PRKN: variants seen among roughly 807,000 people sequenced by gnomAD.
PRKN encodes E3 ubiquitin-protein ligase parkin.
Under a neutral mutation model 59.5 loss-of-function variants are expected in PRKN, and 56 were observed. The observed-to-expected ratio is 0.94, with a 90% CI of 0.76 to 1.18. PRKN has a LOEUF of 1.18. PRKN is among the 50% of genes most tolerant of loss of function. PRKN has a pLI of 0.00. For missense variants in PRKN, 657 were observed against 596.4 expected (o/e 1.10, Z -1.06); for synonymous variants, 250 against 222.1 (o/e 1.13, Z -1.12).
chr6:162,152,979 C>T (rs1782338102), intron 4 of PRKN, among the ~76,000 whole-genome samples: 1 of 152,114 alleles, frequency 6.6e-6, no homozygotes, highest in African/African-American at 2.4e-5. Flanking sequence ...GAAAAGGGCT[C>T]CAAAGTCGAT....
At chr6:162,577,765 C>G (rs1006246924) in intron 1 of PRKN, among the ~76,000 whole-genome samples, 2 of 152,120 alleles carry the variant, frequency 1.3e-5, no homozygotes, top group East Asian at 3.9e-4. Context: ...TCTGTCTCCA[C>G]TAAAACTAAA....
At chr6:161,425,938 C>T (rs1419152030) in intron 9 of PRKN, among the ~76,000 whole-genome samples, 1 of 151,980 alleles carries the variant, frequency 6.6e-6, no homozygotes, top group Non-Finnish European at 1.5e-5. Context: ...TCTGTCCTGT[C>T]CTCCTTTTAG....
intron 7 of PRKN, among the ~76,000 whole-genome samples, chr6:161,771,427 A>T (rs1789690809): frequency 6.6e-6 from 1 of 151,612 alleles, no homozygotes. Context: ...AGCCACAAGA[A>T]AGAGCTGTCA....
At position 161,549,921 on chromosome 6, in the gene PRKN, G is replaced by A. The variant is rs1229812362; in HGVS notation, c.934-918C>T. 2.0e-5 allele frequency among the ~76,000 whole-genome samples: 3 copies of A among 152,202 alleles called. No individual in the cohort carries two copies. The East Asian group carries it at 5.8e-4, about 29-fold the overall frequency. ...ACAGTCAATACCGAGAGGTTAGAAT[G>A]TCTAGGATTTCCAATGGTGCTAAGT... On this transcript the variant is annotated intron_variant, in intron 8 of 11. Coordinates refer to ENST00000366898, the MANE Select transcript of PRKN (RefSeq NM_004562.3). This position sits in a 1 kb window ranked among gnomAD's most constrained non-coding sequence, Gnocchi z 6.0.
chr6:162,028,650 A>G (rs1783525939), intron 5 of PRKN, among the ~76,000 whole-genome samples: 1 of 152,224 alleles, frequency 6.6e-6, no homozygotes, highest in Non-Finnish European at 1.5e-5. Flanking sequence ...AAAATGGAGC[A>G]GTGAATGGAG....
At chr6:162,094,882 T>C (rs931240554) in intron 4 of PRKN, among the ~76,000 whole-genome samples, 1 of 152,210 alleles carries the variant, frequency 6.6e-6, no homozygotes, top group Non-Finnish European at 1.5e-5. Context: ...TATGAAGCCT[T>C]CTATTTTGTG....
intron 2 of PRKN, among the ~76,000 whole-genome samples, chr6:162,348,203 T>C (rs1169281082): frequency 6.6e-6 from 1 of 152,132 alleles, no homozygotes; most frequent in African/African-American, 2.4e-5. Flanking sequence ...TCACAGAGCA[T>C]TGAGTAGAAT....
intron 8 of PRKN, among the ~76,000 whole-genome samples, chr6:161,557,166 G>A (rs1780268317): frequency 6.6e-6 from 1 of 152,132 alleles, no homozygotes; most frequent in Admixed American, 6.5e-5. Flanking sequence ...GCGTTATGCA[G>A]GTAGAATCCT....
intron 5 of PRKN, among the ~76,000 whole-genome samples, chr6:162,034,186 T>TATATAGAGAGAG (rs1349695864): frequency 3.9e-4 from 52 of 133,296 alleles, no homozygotes; most frequent in African/African-American, 6.1e-4. Context: ...TATATATATA[T>TATATAGAGAGAG]AGAGAGAGAG....
Position 161,460,773 on chromosome 6 carries a change from T to C in PRKN, c.1084-73896A>G, listed in dbSNP as rs926228608. Among the ~76,000 whole-genome samples the C allele has an allele frequency of 6.6e-6, 1 of 150,964 alleles. No homozygotes were observed. Among genetic ancestry groups the C allele is most frequent in the African/African-American group, 2.4e-5 (1 of 41,060 alleles). ...TATCTTTTTTTTTTTTTTCTTCAGA[T>C]GGAGTCTCGTTCTGTCGCCAGGCTG... On this transcript the variant is annotated intron_variant, in intron 9 of 11. Transcript: ENST00000366898. This position sits in a 1 kb window ranked among gnomAD's most constrained non-coding sequence, Gnocchi z 5.0.
intron 1 of PRKN, among the ~76,000 whole-genome samples, chr6:162,518,846 G>T (rs1418159898): frequency 2.0e-5 from 3 of 152,130 alleles, no homozygotes; most frequent in Non-Finnish European, 4.4e-5. Context: ...TACTAAATTT[G>T]CCATGTATGT....
chr6:161,945,520 T>C (rs965931131), intron 6 of PRKN, among the ~76,000 whole-genome samples: 5 of 152,178 alleles, frequency 3.3e-5, no homozygotes, highest in Admixed American at 1.3e-4. Flanking sequence ...CTTTCAACCA[T>C]TCCCACTATA....
chr6:162,356,434 T>C (rs1359295448), intron 2 of PRKN, among the ~76,000 whole-genome samples: 3 of 152,002 alleles, frequency 2.0e-5, no homozygotes, highest in Middle Eastern at 3.4e-3. Context: ...TACACCACGA[T>C]AAGAGACTGT....
At chr6:161,943,912 AT>A in intron 6 of PRKN, among the ~76,000 whole-genome samples, 1 of 149,034 alleles carries the variant, frequency 6.7e-6, no homozygotes, top group African/African-American at 2.5e-5. Context: ...AGCCTGAGGG[AT>A]CAGCCTTGAG....
rs1392053628 is a variant in PRKN at position 161,373,330 on chromosome 6, A to G, written c.1168-13125T>C. 6.6e-6 allele frequency among the ~76,000 whole-genome samples: 1 copy of G among 152,110 alleles called. No homozygotes were observed. The highest frequency in any genetic ancestry group is 1.5e-5 in the Non-Finnish European group (1 of 68,024). On this transcript the variant is annotated intron_variant, in intron 10 of 11. Coordinates refer to ENST00000366898, the MANE Select transcript of PRKN (RefSeq NM_004562.3). This position sits in a 1 kb window ranked among gnomAD's most constrained non-coding sequence, Gnocchi z 4.8. ...TGTGGCCCAGCTACATTGACACAGA[A>G]AATTACCCATCACAGCTAGGCTGAA... is the stretch of plus-strand genomic sequence containing the variant.
At chr6:162,114,660 C>T (rs1373348333) in intron 4 of PRKN, among the ~76,000 whole-genome samples, 1 of 150,096 alleles carries the variant, frequency 6.7e-6, no homozygotes, top group African/African-American at 2.5e-5. Flanking sequence ...AAAAAACAAA[C>T]AACCCTATCA....
intron 5 of PRKN, among the ~76,000 whole-genome samples, chr6:161,984,817 C>G (rs924249088): frequency 2.0e-5 from 3 of 152,142 alleles, no homozygotes; most frequent in African/African-American, 4.8e-5. Context: ...TGACTCCAAA[C>G]GCTTTAGAAC....
intron 1 of PRKN, among the ~76,000 whole-genome samples, chr6:162,449,804 A>G (rs1271575915): frequency 1.3e-5 from 2 of 152,164 alleles, no homozygotes; most frequent in Admixed American, 6.5e-5. Context: ...CCCTCCTGCA[A>G]AAAAACTACT....
intron 2 of PRKN, among the ~76,000 whole-genome samples, chr6:162,332,394 G>T (rs913491289): frequency 6.6e-6 from 1 of 152,176 alleles, no homozygotes; most frequent in Non-Finnish European, 1.5e-5. Flanking sequence ...TCTCTCCTGA[G>T]CCCTGTAGGC....
Sources: allele counts gnomAD v4.1 joint callset (sites outside exome capture counted in the v4.1 genomes callset), GRCh38; gene constraint gnomAD v4.1.1; non-coding constraint Gnocchi (gnomAD v3.1); transcripts MANE v1.5; gene names NCBI Gene and HGNC (gene_info 2026-07-23, HGNC 2026-07-21).